The following TTLL13 variants were observed in gnomAD, a reference collection of about 807,000 sequenced individuals.
TTLL13 encodes tubulin polyglutamylase TTLL13.
At chr15:90,257,088 T>C in the TTLL13 span, 7 of 1,564,242 alleles carry the variant, frequency 4.5e-6, no homozygotes, top group African/African-American at 4.1e-5. Context: ...CAGCACATAG[T>C]AGGCACTTCA....
chr15:90,265,397 G>A, the TTLL13 span: 2 of 1,254,776 alleles, frequency 1.6e-6, no homozygotes, highest in Non-Finnish European at 2.0e-6. Context: ...GCGGAGACAG[G>A]CAGGCCTGGG....
At chr15:90,257,967 G>T in the TTLL13 span, 1 of 1,444,296 alleles carries the variant, frequency 6.9e-7, no homozygotes, top group South Asian at 1.2e-5. Flanking sequence ...GTTAGTGTGA[G>T]GGAGCCTCCT....
the TTLL13 span, chr15:90,258,307 CAGAGGCCTCCTTGAAT>C: frequency 6.8e-5 from 107 of 1,576,396 alleles, no homozygotes; most frequent in Non-Finnish European, 8.9e-5. Flanking sequence ...AACCAAGGTC[CAGAGGCCTCCTTGAAT>C]AGGACACCTG....
chr15:90,252,362 G>A, the TTLL13 span, among the ~76,000 whole-genome samples: 6 of 151,420 alleles, frequency 4.0e-5, no homozygotes, highest in Non-Finnish European at 8.8e-5. Flanking sequence ...TAAATGTTTT[G>A]TAGAGACAGA....
the TTLL13 span, chr15:90,262,695 C>T: frequency 6.9e-7 from 1 of 1,454,592 alleles, no homozygotes; most frequent in African/African-American, 1.4e-5. Flanking sequence ...TAGCTCTTAT[C>T]TTTCCACAGG....
At chr15:90,265,438 A>C in the TTLL13 span, 2 of 1,313,146 alleles carry the variant, frequency 1.5e-6, no homozygotes, top group Admixed American at 7.8e-5. Context: ...CGGCTCTTGG[A>C]AACGGAATCC....
chr15:90,257,803 T>A, the TTLL13 span: 1 of 1,400,198 alleles, frequency 7.1e-7, no homozygotes, highest in Non-Finnish European at 1.0e-6. Flanking sequence ...AAGCTGGCTC[T>A]TGGGAGGCTA....
the TTLL13 span, chr15:90,265,351 G>A: frequency 8.1e-7 from 1 of 1,227,638 alleles, no homozygotes; most frequent in South Asian, 1.9e-5. Flanking sequence ...GTCGCCGTCA[G>A]AAGACTGCCG....
chr15:90,254,491 TAAAAAAAAA>T, the TTLL13 span, among the ~76,000 whole-genome samples: 1 of 84,242 alleles, frequency 1.2e-5, no homozygotes, highest in African/African-American at 4.3e-5. Context: ...AGACTCCATC[TAAAAAAAAA>T]AAAAAAAAAA....
the TTLL13 span, chr15:90,255,826 G>A: frequency 1.9e-6 from 3 of 1,614,184 alleles, no homozygotes; most frequent in Non-Finnish European, 2.5e-6. Flanking sequence ...TCAACCGCAT[G>A]TACAAACTCT....
the TTLL13 span, chr15:90,257,930 C>T: frequency 8.9e-7 from 1 of 1,126,524 alleles, no homozygotes; most frequent in Non-Finnish European, 1.3e-6. Flanking sequence ...TGCTAGCAGC[C>T]CTTCAAAGCC....
At chr15:90,251,906 G>A in the TTLL13 span, among the ~76,000 whole-genome samples, 69,775 of 151,190 alleles carry the variant, frequency 0.46, 17,956 homozygotes, top group African/African-American at 0.7. Context: ...ACAGAGTCTC[G>A]CTTTGTCATC....
the TTLL13 span, among the ~76,000 whole-genome samples, chr15:90,252,520 G>GT: frequency 2.6e-5 from 4 of 152,130 alleles, no homozygotes; most frequent in African/African-American, 7.2e-5. Context: ...GCTTAAAACA[G>GT]TTTTTTCAAG....
At chr15:90,260,303 G>A in the TTLL13 span, among the ~76,000 whole-genome samples, 1 of 151,870 alleles carries the variant, frequency 6.6e-6, no homozygotes, top group African/African-American at 2.4e-5. Flanking sequence ...TTTGAGACCA[G>A]CCTGGGCAAC....
the TTLL13 span, among the ~76,000 whole-genome samples, chr15:90,252,577 G>C: frequency 6.6e-6 from 1 of 152,186 alleles, no homozygotes; most frequent in East Asian, 1.9e-4. Flanking sequence ...ACAATCTCCA[G>C]CTAGGTCCTT....
At chr15:90,263,640 G>T in the TTLL13 span, 1 of 598,490 alleles carries the variant, frequency 1.7e-6, no homozygotes, top group Non-Finnish European at 3.0e-6. Flanking sequence ...GTTAAATAGT[G>T]GCCGCGGCCT....
At chr15:90,250,013 A>C in the TTLL13 span, among the ~76,000 whole-genome samples, 1 of 151,868 alleles carries the variant, frequency 6.6e-6, no homozygotes, top group Non-Finnish European at 1.5e-5. Context: ...GCTGGAGTGC[A>C]GTGGTGTGAT....
chr15:90,265,361 G>T, the TTLL13 span: 1 of 1,228,144 alleles, frequency 8.1e-7, no homozygotes, highest in Non-Finnish European at 1.0e-6. Context: ...GAAGACTGCC[G>T]AGCGGAAGCC....
chr15:90,263,143 C>T, the TTLL13 span: 3,094 of 1,524,104 alleles, frequency 2.0e-3, 101 homozygotes, highest in East Asian at 0.06. Flanking sequence ...TCATGAGAGT[C>T]GGGTGAGGGT....
Sources: gnomAD v4.1 joint callset for allele counts (sites outside exome capture counted in the v4.1 genomes callset) on GRCh38, gnomAD v4.1.1 for gene constraint, MANE v1.5 for transcripts, NCBI Gene and HGNC (gene_info 2026-07-23, HGNC 2026-07-21) for gene names.